RIMS1: variants seen among roughly 807,000 people sequenced by gnomAD.
RIMS1 encodes the protein regulating synaptic membrane exocytosis 1, also known as regulating synaptic membrane exocytosis protein 1.
Under a neutral mutation model 214.1 loss-of-function variants are expected in RIMS1, and 83 were observed. The ratio of observed to expected loss-of-function variants is 0.39; its 90% confidence interval spans 0.32 to 0.47. RIMS1 has a LOEUF of 0.47. Ranked by LOEUF, RIMS1 falls within the 20% of genes least tolerant of loss-of-function variation. The pLI is 0.99. For missense variants in RIMS1, 2,050 were observed against 2,161.8 expected, an observed-to-expected ratio of 0.95 and a Z score of 1.03; for synonymous variants, 793 against 786.8, an observed-to-expected ratio of 1.01 and a Z score of -0.13.
chr6:72,355,449 G>T (rs1016941172), intron 29 of RIMS1, among the ~76,000 whole-genome samples: 9 of 151,984 alleles, frequency 5.9e-5, no homozygotes, highest in Non-Finnish European at 1.2e-4. Context: ...ATATATTTGG[G>T]GTTGTAAAGA....
intron 7 of RIMS1, among the ~76,000 whole-genome samples, chr6:72,234,333 A>G (rs1208803431): frequency 6.6e-6 from 1 of 152,050 alleles, no homozygotes; most frequent in South Asian, 2.1e-4. Context: ...AAATTGCATC[A>G]TGCTGCAACC....
At chr6:72,243,269 G>T (rs2067795412) in intron 10 of RIMS1, among the ~76,000 whole-genome samples, 1 of 151,058 alleles carries the variant, frequency 6.6e-6, no homozygotes, top group Non-Finnish European at 1.5e-5. Context: ...AATTTGTATC[G>T]GCCTCATGAA....
chr6:72,010,693 CAGAG>C (rs1302820477), intron 2 of RIMS1, among the ~76,000 whole-genome samples: 1 of 151,952 alleles, frequency 6.6e-6, no homozygotes, highest in African/African-American at 2.4e-5. Flanking sequence ...AACAGACAAA[CAGAG>C]AGCCAAATCA....
chr6:72,294,365 CT>C (rs1305055385), intron 26 of RIMS1, among the ~76,000 whole-genome samples: 1 of 151,738 alleles, frequency 6.6e-6, no homozygotes, highest in African/African-American at 2.4e-5. Flanking sequence ...AAGATTAATG[CT>C]GACCACAGTC....
At chr6:72,385,715 TAA>T (rs2098587046) in intron 29 of RIMS1, among the ~76,000 whole-genome samples, 1 of 152,166 alleles carries the variant, frequency 6.6e-6, no homozygotes, top group Non-Finnish European at 1.5e-5. Flanking sequence ...GGACCCAGAG[TAA>T]GGGCCGAACG....
intron 4 of RIMS1, among the ~76,000 whole-genome samples, chr6:72,163,010 G>C (rs1311311220): frequency 0.07 from 8,626 of 122,552 alleles, 1,012 homozygotes; most frequent in South Asian, 0.11. Context: ...TGCTCCCCGT[G>C]ACTTTCAGGT....
intron 1 of RIMS1, among the ~76,000 whole-genome samples, chr6:71,924,630 C>CAAAAAAAAAAAAAAAAAAAA (rs1250868988): frequency 6.6e-5 from 5 of 76,230 alleles, no homozygotes; most frequent in African/African-American, 2.2e-4. Context: ...CCCATCTCTG[C>CAAAAAAAAAAAAAAAAAAAA]AAAAAAAAAA....
intron 6 of RIMS1, among the ~76,000 whole-genome samples, chr6:72,220,198 A>G (rs959190528): frequency 6.6e-6 from 1 of 152,060 alleles, no homozygotes; most frequent in Non-Finnish European, 1.5e-5. Flanking sequence ...TAATTCTGGG[A>G]GCTAAAGGTA....
chr6:72,026,144 T>C (rs1816384364), intron 2 of RIMS1, among the ~76,000 whole-genome samples: 1 of 152,106 alleles, frequency 6.6e-6, no homozygotes. Context: ...ATTTTACAGG[T>C]GTGGATTTTC....
At chr6:72,395,357 A>G (rs2098761453) in intron 31 of RIMS1, among the ~76,000 whole-genome samples, 1 of 152,076 alleles carries the variant, frequency 6.6e-6, no homozygotes, top group African/African-American at 2.4e-5. Flanking sequence ...TCTTCATGCA[A>G]TTTCAGGACA....
intron 1 of RIMS1, among the ~76,000 whole-genome samples, chr6:71,941,304 A>G (rs1786056663): frequency 6.6e-6 from 1 of 152,170 alleles, no homozygotes; most frequent in African/African-American, 2.4e-5. Context: ...TACTGTTTGC[A>G]TTCTGTTGGA....
At chr6:72,169,956 A>G (rs1412541394) in intron 4 of RIMS1, among the ~76,000 whole-genome samples, 2 of 152,152 alleles carry the variant, frequency 1.3e-5, no homozygotes, top group Non-Finnish European at 2.9e-5. Context: ...AGAATCTTCC[A>G]ATGGCTCGTC....
At chr6:71,980,725 A>C (rs1798280187) in intron 2 of RIMS1, among the ~76,000 whole-genome samples, 1 of 152,122 alleles carries the variant, frequency 6.6e-6, no homozygotes, top group Non-Finnish European at 1.5e-5. Context: ...GATGATTAAA[A>C]TAGATGAGAC....
chr6:72,017,976 T>C (rs1813316201), intron 2 of RIMS1, among the ~76,000 whole-genome samples: 1 of 152,208 alleles, frequency 6.6e-6, no homozygotes, highest in Non-Finnish European at 1.5e-5. Context: ...GGCAGATCTT[T>C]ATTAGCCAAT....
At chr6:71,989,844 A>G (rs990406738) in intron 2 of RIMS1, among the ~76,000 whole-genome samples, 1 of 152,182 alleles carries the variant, frequency 6.6e-6, no homozygotes, top group Non-Finnish European at 1.5e-5. Context: ...TGTGTCCTGC[A>G]TGACCTGGCC....
chr6:71,892,891 A>G (rs1459789486), intron 1 of RIMS1, among the ~76,000 whole-genome samples: 1 of 152,156 alleles, frequency 6.6e-6, no homozygotes, highest in African/African-American at 2.4e-5. Context: ...GTTGGATAGA[A>G]CACTGGACTA....
intron 2 of RIMS1, among the ~76,000 whole-genome samples, chr6:72,017,619 C>T (rs568202020): frequency 1.3e-5 from 2 of 152,090 alleles, no homozygotes; most frequent in Admixed American, 1.3e-4. Flanking sequence ...GGAAACTGTT[C>T]TGGATTCTAG....
intron 29 of RIMS1, among the ~76,000 whole-genome samples, chr6:72,385,549 G>A (rs1202998207): frequency 6.6e-6 from 1 of 152,178 alleles, no homozygotes; most frequent in Non-Finnish European, 1.5e-5. Flanking sequence ...ATGATTGCAA[G>A]ACTAAGATTT....
At chr6:72,080,205 A>G (rs979892244) in intron 2 of RIMS1, among the ~76,000 whole-genome samples, 10 of 151,624 alleles carry the variant, frequency 6.6e-5, no homozygotes, top group African/African-American at 2.4e-4. Context: ...CAGAGGTTGC[A>G]GTGAGCCGAG....
Sources: allele counts gnomAD v4.1 joint callset (sites outside exome capture counted in the v4.1 genomes callset), GRCh38; gene constraint gnomAD v4.1.1; transcripts MANE v1.5; gene names NCBI Gene and HGNC (gene_info 2026-07-23, HGNC 2026-07-21).